The following NACC2 variants were observed in gnomAD, a reference collection of about 807,000 sequenced individuals.
NACC2 encodes NACC family member 2, also known as nucleus accumbens-associated protein 2.
Under a neutral mutation model 25.1 loss-of-function variants are expected in NACC2, and 8 were observed. The ratio of observed to expected loss-of-function variants is 0.32; its 90% CI spans 0.19 to 0.57. The LOEUF (loss-of-function observed/expected upper bound fraction) is 0.57. Ranked by LOEUF, NACC2 falls within the 20% of genes least tolerant of loss-of-function variation. The pLI, the probability that NACC2 is intolerant of heterozygous loss-of-function variation, is 0.89. For synonymous variants in NACC2, 435 were observed against 294.7 expected (o/e 1.48, Z -4.88); for missense variants, 644 against 650.2 (o/e 0.99, Z 0.10).
intron 2 of NACC2, among the ~76,000 whole-genome samples, chr9:136,034,998 G>A (rs934475626): frequency 2.6e-5 from 4 of 152,106 alleles, no homozygotes; most frequent in African/African-American, 9.7e-5. Flanking sequence ...GGAGGCTGAG[G>A]CAGGAGAATC....
chr9:136,023,626 G>A (rs899551857), intron 2 of NACC2, among the ~76,000 whole-genome samples: 3 of 152,222 alleles, frequency 2.0e-5, no homozygotes, highest in African/African-American at 7.2e-5. Flanking sequence ...TCCCAGCGAT[G>A]ATTTTTATTG....
chr9:136,083,672 C>A (rs572671839), intron 1 of NACC2, among the ~76,000 whole-genome samples: 9 of 152,354 alleles, frequency 5.9e-5, no homozygotes, highest in African/African-American at 2.2e-4. Flanking sequence ...CACCACGCTG[C>A]GGAGGCAGGC....
At chr9:136,082,894 C>G (rs1204806585) in intron 1 of NACC2, among the ~76,000 whole-genome samples, 2 of 152,224 alleles carry the variant, frequency 1.3e-5, no homozygotes, top group Non-Finnish European at 2.9e-5. Context: ...TGCTCATTTC[C>G]CACCGTGCAT....
rs1278923783 is a variant in NACC2, at chr9:136,058,768, A to G, written c.-59-8188T>C. ...AAGGAAAAGATTCAACTCACACAGC[A>G]CCAGAGATTCGGAATAGCCCCCACC... On this transcript the variant is annotated intron_variant, in intron 1 of 5. Transcript: ENST00000277554. Among the ~76,000 whole-genome samples, 3 of 152,176 alleles carry G rather than the reference A, an allele frequency of 2.0e-5. No homozygotes were observed. In the East Asian group the frequency reaches 5.8e-4, roughly 29 times the overall value.
Position 136,044,407 on chromosome 9 carries a change from C to T in NACC2, c.886+5229G>A, listed in dbSNP as rs980637137. Reference sequence around the variant, plus strand: ...GCACATGACTGTGGTCTCGGCTCCTCGGAAGGCCTGAGTTGCAGGGGTATT... The same window carrying T: ...GCACATGACTGTGGTCTCGGCTCCTTGGAAGGCCTGAGTTGCAGGGGTATT... On this transcript the variant is annotated intron_variant, in intron 2 of 5. Coordinates refer to ENST00000277554, the MANE Select transcript of NACC2 (RefSeq NM_144653.5). Among the ~76,000 whole-genome samples the T allele has an allele frequency of 5.9e-5, 9 of 152,244 alleles. No individual in the cohort carries two copies. The South Asian group carries it at 1.5e-3, about 25-fold the overall frequency.
chr9:136,058,321 G>A (rs1840957536), intron 1 of NACC2, among the ~76,000 whole-genome samples: 1 of 152,234 alleles, frequency 6.6e-6, no homozygotes, highest in Non-Finnish European at 1.5e-5. Context: ...ACCCCATCCT[G>A]CCCGGTCCCC....
At chr9:136,067,489 T>C (rs1278850811) in intron 1 of NACC2, among the ~76,000 whole-genome samples, 1 of 152,120 alleles carries the variant, frequency 6.6e-6, no homozygotes, top group African/African-American at 2.4e-5. Flanking sequence ...TTTGTTGTTC[T>C]CTGAACACCG....
intron 2 of NACC2, among the ~76,000 whole-genome samples, chr9:136,047,194 C>T (rs920233552): frequency 5.9e-5 from 9 of 152,262 alleles, no homozygotes; most frequent in African/African-American, 1.4e-4. Flanking sequence ...GGTGTGAGGA[C>T]GTTCCCCGGA....
chr9:136,052,209 C>T (rs1167744161), intron 1 of NACC2, among the ~76,000 whole-genome samples: 1 of 152,192 alleles, frequency 6.6e-6, no homozygotes, highest in Non-Finnish European at 1.5e-5. Flanking sequence ...GCAATGCAAA[C>T]AAAGATGGCA....
rs1342871271 is a variant in NACC2 at position 136,086,756 on chromosome 9, C to T, written c.-60+8433G>A. ...TCCCACGACCCCCGCTCAGCTTGGG[C>T]CTGGAGCTGGCCAGCTGCACTGGTT... On this transcript the variant is annotated intron_variant, in intron 1 of 5. Transcript: ENST00000277554. The surrounding 1 kb of genome is among the most constrained non-coding windows in gnomAD (Gnocchi z 5.6). Among the ~76,000 whole-genome samples the T allele has an allele frequency of 1.3e-5, 2 of 152,144 alleles. No homozygotes were observed. Among genetic ancestry groups the T allele is most frequent in the African/African-American group, 4.8e-5 (2 of 41,432 alleles).
intron 1 of NACC2, among the ~76,000 whole-genome samples, chr9:136,071,326 C>T (rs1218226817): frequency 6.7e-6 from 1 of 148,530 alleles, no homozygotes; most frequent in African/African-American, 2.6e-5. Context: ...TGGCAGATCA[C>T]GAGGTCAGGA....
At chr9:136,087,037 A>G (rs55752144) in intron 1 of NACC2, among the ~76,000 whole-genome samples, 40 of 152,352 alleles carry the variant, frequency 2.6e-4, no homozygotes, top group African/African-American at 8.9e-4. Flanking sequence ...CCTAACATGC[A>G]TCCTTACAGA....
rs1290430372 is a variant in NACC2 at position 136,008,898 on chromosome 9, ATTTAAGT to A, written c.*2611_*2617del. 1 of 152,230 alleles carries A rather than the reference ATTTAAGT, an allele frequency of 6.6e-6. No individual in the cohort carries two copies. Among genetic ancestry groups the A allele is most frequent in the Non-Finnish European group, 1.5e-5 (1 of 68,062 alleles). 9.4% of individuals were successfully genotyped at this position (152,230 alleles called of 1,614,324 possible). ...AACCCATTCACATTAAATTATTATT[ATTTAAGT>A]TTTATCTATAGCTCTTGCCTTCCTT... On this transcript the variant is annotated 3_prime_UTR_variant, in exon 6 of 6. Coordinates refer to ENST00000277554, the MANE Select transcript of NACC2 (RefSeq NM_144653.5).
intron 1 of NACC2, among the ~76,000 whole-genome samples, chr9:136,083,796 G>A (rs747907398): frequency 2.0e-5 from 3 of 152,182 alleles, no homozygotes; most frequent in Non-Finnish European, 2.9e-5. Context: ...GGCACGTTCC[G>A]GCCGCCCACG....
intron 2 of NACC2, among the ~76,000 whole-genome samples, chr9:136,041,290 C>T (rs1295738915): frequency 2.6e-5 from 4 of 151,906 alleles, no homozygotes; most frequent in African/African-American, 4.8e-5. Context: ...GCCATGGTGG[C>T]GGGTTCCTGT....
chr9:136,065,712 G>A (rs1346421521), intron 1 of NACC2, among the ~76,000 whole-genome samples: 1 of 151,970 alleles, frequency 6.6e-6, no homozygotes, highest in Non-Finnish European at 1.5e-5. Context: ...ATGCTGAGGT[G>A]TGAGAATCAC....
chr9:136,064,966 T>G (rs531599019), intron 1 of NACC2, among the ~76,000 whole-genome samples: 2 of 152,314 alleles, frequency 1.3e-5, no homozygotes, highest in South Asian at 4.1e-4. Context: ...AAGAACAGTC[T>G]TTTCAAAATG....
Position 136,055,888 on chromosome 9 carries a change from C to T in NACC2, c.-59-5308G>A, listed in dbSNP as rs1254205839. Among the ~76,000 whole-genome samples, 2 of 152,092 alleles carry T rather than the reference C, an allele frequency of 1.3e-5. No homozygotes were observed. Among genetic ancestry groups the T allele is most frequent in the African/African-American group, 2.4e-5 (1 of 41,390 alleles). ...AGGTCAATCGAAGGCGCTCCTGGAG[C>T]GTGAGAAGGTGTGGGGATGGGGCGG... On this transcript the variant is annotated intron_variant, in intron 1 of 5. Coordinates refer to ENST00000277554, the MANE Select transcript of NACC2 (RefSeq NM_144653.5). The surrounding 1 kb of genome is among the most constrained non-coding windows in gnomAD (Gnocchi z 4.9).
chr9:136,040,685 C>T (rs1048631188), intron 2 of NACC2, among the ~76,000 whole-genome samples: 1 of 152,312 alleles, frequency 6.6e-6, no homozygotes, highest in Non-Finnish European at 1.5e-5. Flanking sequence ...AATGGCCAGG[C>T]GCAGTGGCTC....
Sources: gnomAD v4.1 joint callset for allele counts (sites outside exome capture counted in the v4.1 genomes callset) on GRCh38, gnomAD v4.1.1 for gene constraint, Gnocchi (gnomAD v3.1) non-coding constraint, MANE v1.5 for transcripts, NCBI Gene and HGNC (gene_info 2026-07-23, HGNC 2026-07-21) for gene names.